ACSL5: variants seen among roughly 807,000 people sequenced by gnomAD.
ACSL5 encodes the protein acyl-CoA synthetase long chain family member 5.
A neutral mutation model predicts 84.9 loss-of-function variants in ACSL5; 50 were observed. That is an observed-to-expected ratio of 0.59 (90% CI 0.47 to 0.75). The LOEUF is 0.75. Ranked by LOEUF, ACSL5 falls within the 30% of genes least tolerant of loss-of-function variation. The probability of loss-of-function intolerance (pLI) is 0.00; values close to 1 mark genes in which losing one functional copy is unlikely to be tolerated. For missense variants in ACSL5, 775 were observed against 830.4 expected (o/e 0.93, Z 0.82); for synonymous variants, 280 against 300.7 (o/e 0.93, Z 0.71).
intron 1 of ACSL5, among the ~76,000 whole-genome samples, chr10:112,394,419 A>G (rs1589678758): frequency 6.6e-6 from 1 of 152,336 alleles, no homozygotes; most frequent in East Asian, 1.9e-4. Context: ...TCCTTCATAC[A>G]AAATGGTTAA....
chr10:112,421,835 G>GGTGATTTTTTC, intron 15 of ACSL5, 112 bp from the exon 16 acceptor site: 1 of 1,349,814 alleles, frequency 7.4e-7, no homozygotes, highest in Non-Finnish European at 1.1e-6. Context: ...ATTGGTGCCA[G>GGTGATTTTTTC]GTGATTTTTC....
chr10:112,378,157 G>A (rs1849276936), intron 1 of ACSL5, among the ~76,000 whole-genome samples: 1 of 148,718 alleles, frequency 6.7e-6, no homozygotes, highest in African/African-American at 2.5e-5. Flanking sequence ...AGAGAGGGAA[G>A]ATGAAGCCAG....
intron 17 of ACSL5, among the ~76,000 whole-genome samples, chr10:112,423,207 AAAAAAAAAAAAAAAATAT>A (rs1211347836): frequency 1.1e-4 from 6 of 56,418 alleles, no homozygotes; most frequent in Non-Finnish European, 2.2e-4. Flanking sequence ...AAAAAAAAAA[AAAAAAAAAAAAAAAATAT>A]ATATATATAT....
At chr10:112,382,746 C>A (rs561016955) in intron 1 of ACSL5, among the ~76,000 whole-genome samples, 2 of 152,308 alleles carry the variant, frequency 1.3e-5, no homozygotes, top group African/African-American at 4.8e-5. Context: ...CTTTCTCTGC[C>A]AGCTGTCTTA....
chr10:112,386,341 A>C (rs1466071304), intron 1 of ACSL5, among the ~76,000 whole-genome samples: 2 of 151,480 alleles, frequency 1.3e-5, no homozygotes, highest in Non-Finnish European at 2.9e-5. Context: ...TTATAAGCGC[A>C]CGCCACCATG....
At chr10:112,394,849 C>G in intron 1 of ACSL5, 69 bp from the exon 2 acceptor site, 1 of 1,573,338 alleles carries the variant, frequency 6.4e-7, no homozygotes, top group Non-Finnish European at 8.6e-7. Context: ...CTTCTGAAAA[C>G]ATAGAGCTAT....
chr10:112,402,465 A>G (rs1589685425), intron 3 of ACSL5, among the ~76,000 whole-genome samples: 1 of 152,222 alleles, frequency 6.6e-6, no homozygotes, highest in South Asian at 2.1e-4. Flanking sequence ...AATGATCTCA[A>G]TGTTAGACCA....
intron 15 of ACSL5, 96 bp downstream of exon 15, chr10:112,421,761 G>C: frequency 1.4e-6 from 2 of 1,388,850 alleles, no homozygotes; most frequent in Admixed American, 3.5e-5. Context: ...CAGTTCTCTG[G>C]ACTAATGTGG....
chr10:112,386,437 G>A (rs900952892), intron 1 of ACSL5, among the ~76,000 whole-genome samples: 2 of 151,762 alleles, frequency 1.3e-5, no homozygotes, highest in Admixed American at 6.6e-5. Context: ...CAAGTGACCC[G>A]CCCGCCTCGG....
chr10:112,417,951 G>A lies in ACSL5; in HGVS notation c.1314+10G>A. 6.3e-7 allele frequency: 1 copy of A among 1,588,894 alleles called. No homozygotes were observed. The highest frequency in any genetic ancestry group is 8.6e-7 in the Non-Finnish European group (1 of 1,166,736). ...AGCAATGGGATGTCAGGTAAGCCAA[G>A]CACCTTCTTTGAGAATAGGCTATTT... On this transcript the variant is annotated intron_variant, in intron 14 of 20. Transcript: ENST00000354655.
chr10:112,400,425 T>TC (rs1843857333), intron 3 of ACSL5, among the ~76,000 whole-genome samples: 1 of 141,332 alleles, frequency 7.1e-6, no homozygotes, highest in Non-Finnish European at 1.6e-5. Context: ...TTTTTTTTTT[T>TC]TTGAGATGGA....
intron 1 of ACSL5, among the ~76,000 whole-genome samples, chr10:112,385,008 A>G (rs1008292716): frequency 1.2e-4 from 18 of 152,112 alleles, no homozygotes; most frequent in African/African-American, 4.1e-4. Flanking sequence ...CCAGAATTCC[A>G]TTGTGTGGAA....
rs34464188 is a variant in ACSL5, at chr10:112,414,352, C to CTT, written c.1083+1065_1083+1066dup. ...AGATTTTTTTTTAATTTCAGTGATTCTTTTTTTTTTTTTTTTTTTTTGAGA... is the reference window on the plus strand; with the variant it reads ...AGATTTTTTTTTAATTTCAGTGATTCTTTTTTTTTTTTTTTTTTTTTTTGAGA... On this transcript the variant is annotated intron_variant, in intron 12 of 20. Transcript: ENST00000354655. Among the ~76,000 whole-genome samples, 270 of 85,488 alleles carry CTT rather than the reference C, an allele frequency of 3.2e-3. 3 individuals are homozygous for CTT. The highest frequency in any genetic ancestry group is 3.9e-3 in the Non-Finnish European group (173 of 44,916). 56.1% of individuals were successfully genotyped at this position (85,488 alleles called of 152,430 possible). A position where few individuals can be genotyped will look rare whatever the true frequency, so the allele number is the denominator to read the frequency against.
intron 10 of ACSL5, 118 bp downstream of exon 10, chr10:112,411,647 CGTTAAAGGCTGGAGTGTGG>C: frequency 4.1e-6 from 4 of 987,648 alleles, no homozygotes; most frequent in Non-Finnish European, 6.2e-6. Context: ...CACACACACA[CGTTAAAGGCTGGAGTGTGG>C]ACAAACACCA....
chr10:112,421,616 A>G lies in ACSL5; in HGVS notation c.1338A>G (p.Thr446=). The G allele has an allele frequency of 6.2e-7, 1 of 1,614,202 alleles. No homozygotes were observed. The highest frequency in any genetic ancestry group is 8.5e-7 in the Non-Finnish European group (1 of 1,180,004). The change falls in exon 15 of 21, where the codon ACA becomes ACG. Residue 446 remains threonine, a synonymous_variant. Coordinates refer to ENST00000354655, the MANE Select transcript of ACSL5 (RefSeq NM_203379.2). ...AGGTGTATGAAGCTTATGGTCAAAC[A>G]GAATGCACAGGTGGCTGTACATTTA... ...GCQVYEAYGQ[T]ECTGGCTFTL...
intron 11 of ACSL5, chr10:112,412,714 A>G (rs1414269960): frequency 6.5e-6 from 1 of 153,678 alleles, no homozygotes; most frequent in Non-Finnish European, 1.4e-5. Flanking sequence ...TCATAAAAAA[A>G]TTGATTCTAA....
chr10:112,393,585 A>T (rs1224997513), intron 1 of ACSL5, among the ~76,000 whole-genome samples: 1 of 152,174 alleles, frequency 6.6e-6, no homozygotes, highest in Admixed American at 6.5e-5. Flanking sequence ...TCTTGATCTG[A>T]TCCAACTTTT....
At chr10:112,406,657 A>G (rs1844044832) in intron 5 of ACSL5, 1 of 152,270 alleles carries the variant, frequency 6.6e-6, no homozygotes, top group South Asian at 2.1e-4. Context: ...TCACACTGTT[A>G]CGAAGAAATA....
At position 112,411,436 on chromosome 10, in the gene ACSL5, C is replaced by A; in HGVS notation, c.797-20C>A. 6.3e-7 allele frequency: 1 copy of A among 1,591,460 alleles called. No homozygotes were observed. The highest frequency in any genetic ancestry group is 1.1e-5 in the South Asian group (1 of 90,526). ...TTAGCTACATAAAGTATCTTTCTCTCCACCTCTTATTTCCTACAGGTGACC... is the reference window on the plus strand; with the variant it reads ...TTAGCTACATAAAGTATCTTTCTCTACACCTCTTATTTCCTACAGGTGACC... On this transcript the variant is annotated intron_variant, in intron 9 of 20. Coordinates refer to ENST00000354655, the MANE Select transcript of ACSL5 (RefSeq NM_203379.2).
Sources: gnomAD v4.1 joint callset for allele counts (sites outside exome capture counted in the v4.1 genomes callset) on GRCh38, gnomAD v4.1.1 for gene constraint, MANE v1.5 for transcripts, NCBI Gene and HGNC (gene_info 2026-07-23, HGNC 2026-07-21) for gene names.